The following G2E3 variants were observed in gnomAD, a reference collection of about 807,000 sequenced individuals.
G2E3 encodes G2/M phase-specific E3 ubiquitin-protein ligase.
In G2E3, 35 loss-of-function variants were observed where a neutral mutation model predicts 92.8. That is an observed-to-expected ratio of 0.38 (90% CI 0.29 to 0.50). The LOEUF is 0.50. Among genes scored for constraint, G2E3 ranks in the 20% least tolerant of loss-of-function variants. The probability of loss-of-function intolerance (pLI) is 0.94; values close to 1 mark genes in which losing one functional copy is unlikely to be tolerated. For missense variants in G2E3, 554 were observed against 823.8 expected, an observed-to-expected ratio of 0.67 and a Z score of 4.01; for synonymous variants, 242 against 272.4, an observed-to-expected ratio of 0.89 and a Z score of 1.10.
At chr14:30,592,204 G>A (rs1046578531) in intron 4 of G2E3, 119 bp from the exon 5 acceptor site, 2 of 860,902 alleles carry the variant, frequency 2.3e-6, no homozygotes, top group East Asian at 5.1e-5. Context: ...CCTTACCACA[G>A]CTGTTACATG....
At chr14:30,588,675 A>AT (rs1470220265) in intron 3 of G2E3, among the ~76,000 whole-genome samples, 1 of 152,094 alleles carries the variant, frequency 6.6e-6, no homozygotes, top group African/African-American at 2.4e-5. Context: ...CAGTGTTTTT[A>AT]TTTTCATGTT....
At chr14:30,566,049 C>G (rs1296240449) in intron 1 of G2E3, among the ~76,000 whole-genome samples, 1 of 152,154 alleles carries the variant, frequency 6.6e-6, no homozygotes, top group Non-Finnish European at 1.5e-5. Flanking sequence ...TCTTGGCACC[C>G]TTATTGAAAA....
chr14:30,582,319 A>G (rs933361177), intron 2 of G2E3, among the ~76,000 whole-genome samples: 2 of 152,220 alleles, frequency 1.3e-5, no homozygotes, highest in African/African-American at 4.8e-5. Context: ...CAATTTTACC[A>G]AATTTTAAAC....
intron 6 of G2E3, among the ~76,000 whole-genome samples, chr14:30,594,447 T>C (rs968046064): frequency 6.6e-6 from 1 of 152,112 alleles, no homozygotes; most frequent in African/African-American, 2.4e-5. Flanking sequence ...CCCAGCACTT[T>C]GGGAGGCCGA....
chr14:30,559,643 G>C (rs1209057943), intron 1 of G2E3: 3 of 152,138 alleles, frequency 2.0e-5, no homozygotes, highest in African/African-American at 7.2e-5. Context: ...ATCTCACTGT[G>C]AAGGCGTTGC....
intron 1 of G2E3, among the ~76,000 whole-genome samples, chr14:30,575,580 A>G (rs373665676): frequency 1.3e-5 from 2 of 152,324 alleles, no homozygotes; most frequent in African/African-American, 2.4e-5. Flanking sequence ...AAGTCAAACT[A>G]TCTCTTTGCA....
At chr14:30,604,860 A>C (rs1283510260) in intron 10 of G2E3, among the ~76,000 whole-genome samples, 1 of 149,220 alleles carries the variant, frequency 6.7e-6, no homozygotes, top group Non-Finnish European at 1.5e-5. Flanking sequence ...GGAAGGTGAG[A>C]GTTTGAGCTT....
chr14:30,610,266 G>A (rs1486504581), intron 12 of G2E3, among the ~76,000 whole-genome samples: 2 of 152,176 alleles, frequency 1.3e-5, no homozygotes, highest in Non-Finnish European at 2.9e-5. Context: ...GAACACAGAA[G>A]ATAAACAACA....
chr14:30,575,686 C>T (rs995289594), intron 1 of G2E3, among the ~76,000 whole-genome samples: 2 of 152,156 alleles, frequency 1.3e-5, no homozygotes, highest in Admixed American at 1.3e-4. Flanking sequence ...GATGCAAAAT[C>T]AACATACAAA....
At chr14:30,568,945 A>T (rs1400909075) in intron 1 of G2E3, among the ~76,000 whole-genome samples, 1 of 152,164 alleles carries the variant, frequency 6.6e-6, no homozygotes, top group East Asian at 1.9e-4. Context: ...TAGCATCTCT[A>T]GTAGGACAGA....
In G2E3 at chr14:30,619,276, T is replaced by C. The variant is rs1173686053; in HGVS notation, c.*2742T>C. 2.0e-4 allele frequency: 31 copies of C among 152,058 alleles called. No homozygotes were observed. The highest frequency in any genetic ancestry group is 2.0e-3 in the Admixed American group (31 of 15,268). 9.4% of individuals were successfully genotyped at this position (152,058 alleles called of 1,614,324 possible). A position where few individuals can be genotyped will look rare whatever the true frequency, so the allele number is the denominator to read the frequency against. On this transcript the variant is annotated 3_prime_UTR_variant, in exon 15 of 15. Transcript: ENST00000206595. Reference sequence around the variant, plus strand: ...GTTTCTATTTTATGCATTTGTAAATTTTTCCCCTAATTATATGGAAGCTAT... The same window carrying C: ...GTTTCTATTTTATGCATTTGTAAATCTTTCCCCTAATTATATGGAAGCTAT...
intron 13 of G2E3, among the ~76,000 whole-genome samples, chr14:30,614,525 G>A (rs546752354): frequency 8.5e-5 from 13 of 152,256 alleles, no homozygotes; most frequent in Admixed American, 7.8e-4. Context: ...TTATGAGGGC[G>A]GAGCCCTTGT....
chr14:30,563,595 A>C (rs568473556), intron 1 of G2E3, among the ~76,000 whole-genome samples: 1 of 141,820 alleles, frequency 7.1e-6, no homozygotes, highest in African/African-American at 2.5e-5. Context: ...TATGGAGCCA[A>C]TGGGTGGTAG....
Position 30,592,347 on chromosome 14 carries a change from G to T in G2E3, c.262G>T (p.Gly88Cys), listed in dbSNP as rs1240313989. Residue 88 changes from glycine (G) to cysteine (C), a missense_variant, in exon 5 of 15, where the codon GGT becomes TGT. Transcript: ENST00000206595. The stretch of plus-strand genomic sequence containing the variant: ...GAAATGCTGTGTTTGCAAGAAAAAT[G>T]GTGCTTCAATTGGATGTGTTGCACC... ...KLKCCVCKKN[G>C]ASIGCVAPRC... 1.2e-6 allele frequency: 2 copies of T among 1,612,048 alleles called. No homozygotes were observed. Among genetic ancestry groups the T allele is most frequent in the South Asian group, 1.1e-5 (1 of 90,974 alleles).
chr14:30,586,265 C>G (rs1218350297), intron 2 of G2E3, among the ~76,000 whole-genome samples: 1 of 152,166 alleles, frequency 6.6e-6, no homozygotes, highest in East Asian at 1.9e-4. Flanking sequence ...ACGGGCCACC[C>G]CAAGACCACT....
intron 2 of G2E3, among the ~76,000 whole-genome samples, chr14:30,581,843 G>A (rs1191903818): frequency 6.6e-6 from 1 of 152,166 alleles, no homozygotes; most frequent in Non-Finnish European, 1.5e-5. Flanking sequence ...AGTATCTGTT[G>A]TCTTGCTACA....
chr14:30,615,301 C>A, intron 13 of G2E3, 48 bp from the exon 14 acceptor site: 1 of 943,734 alleles, frequency 1.1e-6, no homozygotes, highest in Non-Finnish European at 1.6e-6. Flanking sequence ...TAATATAATA[C>A]CAAACACACA....
intron 13 of G2E3, among the ~76,000 whole-genome samples, chr14:30,613,201 A>G (rs887363981): frequency 1.3e-5 from 2 of 152,162 alleles, no homozygotes; most frequent in Non-Finnish European, 2.9e-5. Flanking sequence ...CACCATCCAG[A>G]TCTAACACTT....
chr14:30,560,647 C>T, intron 1 of G2E3: 1 of 608,296 alleles, frequency 1.6e-6, no homozygotes, highest in Non-Finnish European at 2.9e-6. Context: ...ATATCCTAAT[C>T]TCTTTATTTT....
Sources: gnomAD v4.1 joint callset for allele counts (sites outside exome capture counted in the v4.1 genomes callset) on GRCh38, gnomAD v4.1.1 for gene constraint, MANE v1.5 for transcripts, NCBI Gene and HGNC (gene_info 2026-07-23, HGNC 2026-07-21) for gene names.